Variants in ZRANB2 observed in about 807,000 individuals in gnomAD.
ZRANB2 encodes zinc finger Ran-binding domain-containing protein 2.
Under a neutral mutation model 53.4 loss-of-function variants are expected in ZRANB2, and 19 were observed. The observed-to-expected ratio is 0.36, with a 90% confidence interval of 0.25 to 0.52. The LOEUF (loss-of-function observed/expected upper bound fraction) is 0.52. ZRANB2 is among the 20% of genes least tolerant of loss of function. ZRANB2 has a pLI of 0.93. For missense variants in ZRANB2, 309 were observed against 401.1 expected, an observed-to-expected ratio of 0.77 and a Z score of 1.96; for synonymous variants, 145 against 134.8, an observed-to-expected ratio of 1.08 and a Z score of -0.52.
At chr1:71,073,881 T>C (rs543166824) in intron 4 of ZRANB2, among the ~76,000 whole-genome samples, 1 of 152,204 alleles carries the variant, frequency 6.6e-6, no homozygotes, top group South Asian at 2.1e-4. Flanking sequence ...TAACTCTGTA[T>C]AAATGGAAAA....
chr1:71,077,212 T>C (rs984255392), intron 3 of ZRANB2, among the ~76,000 whole-genome samples: 6 of 152,300 alleles, frequency 3.9e-5, no homozygotes, highest in East Asian at 1.9e-4. Context: ...CTAAAACTTT[T>C]TGAGAGAGGA....
At chr1:71,065,608 A>G in intron 9 of ZRANB2, 1 of 1,505,010 alleles carries the variant, frequency 6.6e-7, no homozygotes, top group South Asian at 1.3e-5. Flanking sequence ...AATCTAGGTC[A>G]CACAAGATGA....
intron 4 of ZRANB2, among the ~76,000 whole-genome samples, chr1:71,073,092 T>C (rs1428393359): frequency 2.0e-5 from 3 of 152,076 alleles, no homozygotes; most frequent in Admixed American, 6.6e-5. Context: ...TTTTAACACA[T>C]AGGTAAAAGT....
In ZRANB2 at chr1:71,078,555, A is replaced by C. The variant is rs991863698; in HGVS notation, c.120T>G (p.Thr40=). ...CCCCAGCTTTCATCATCTTGGCCTCAGTTGTTTTCTCTGAAAACAGAAAAA... is the reference window on the plus strand; with the variant it reads ...CCCCAGCTTTCATCATCTTGGCCTCCGTTGTTTTCTCTGAAAACAGAAAAA... ...SCNRCGREKT[T]EAKMMKAGGT... Residue 40 remains threonine (T), a synonymous_variant, in exon 3 of 10, where the codon ACT becomes ACG. Transcript: ENST00000370920. 1 of 1,613,860 alleles carries C rather than the reference A, an allele frequency of 6.2e-7. No individual in the cohort carries two copies. The highest frequency in any genetic ancestry group is 1.3e-5 in the African/African-American group (1 of 74,910).
Position 71,064,983 on chromosome 1 carries a change from T to G in ZRANB2, c.*91A>C. 1.2e-6 allele frequency: 1 copy of G among 800,968 alleles called. No individual in the cohort carries two copies. The highest frequency in any genetic ancestry group is 2.0e-6 in the Non-Finnish European group (1 of 493,934). The allele number at this position is 800,968 out of a possible 1,614,324, so 49.6% of individuals were successfully genotyped here. A position where few individuals can be genotyped will look rare whatever the true frequency, so the allele number is the denominator to read the frequency against. Reference sequence around the variant, plus strand: ...AAGGCATGCACCTCTACTAGCAGATTTAGCACTTCTGACCAAGTAAGACAC... The same window carrying G: ...AAGGCATGCACCTCTACTAGCAGATGTAGCACTTCTGACCAAGTAAGACAC... On this transcript the variant is annotated 3_prime_UTR_variant, in exon 10 of 10. Transcript: ENST00000370920.
chr1:71,075,089 GTTTT>G (rs1661677379), intron 4 of ZRANB2, among the ~76,000 whole-genome samples: 1 of 152,032 alleles, frequency 6.6e-6, no homozygotes, highest in Non-Finnish European at 1.5e-5. Flanking sequence ...ATAGGTCAAA[GTTTT>G]TTTAAGTTTT....
intron 8 of ZRANB2, 88 bp downstream of exon 8, chr1:71,069,188 C>G: frequency 9.1e-7 from 1 of 1,100,068 alleles, no homozygotes; most frequent in Admixed American, 2.6e-5. Context: ...CAAGTAGAAG[C>G]AAAATAAGGG....
chr1:71,067,616 T>A, intron 8 of ZRANB2: 1 of 431,490 alleles, frequency 2.3e-6, no homozygotes, highest in South Asian at 1.7e-5. Flanking sequence ...TTGTATATTT[T>A]GGTTGAAGGA....
At chr1:71,071,160 G>C (rs17090797) in intron 6 of ZRANB2, among the ~76,000 whole-genome samples, 164 bp from the exon 7 acceptor site, 2,986 of 152,174 alleles carry the variant, frequency 0.02, 92 homozygotes, top group African/African-American at 0.068. Context: ...ATCTCAAATA[G>C]AGACTTGACA....
At chr1:71,065,898 A>G in intron 9 of ZRANB2, 4 of 1,234,556 alleles carry the variant, frequency 3.2e-6, no homozygotes, top group Non-Finnish European at 4.5e-6. Context: ...TTTACAAAGA[A>G]ACAAATGCAG....
At chr1:71,070,261 C>T (rs1174411932) in intron 7 of ZRANB2, among the ~76,000 whole-genome samples, 1 of 56,184 alleles carries the variant, frequency 1.8e-5, no homozygotes, top group Non-Finnish European at 3.5e-5. Context: ...TCAGAGATTA[C>T]ATATTTTACA....
intron 8 of ZRANB2, among the ~76,000 whole-genome samples, chr1:71,068,201 T>G (rs929377085): frequency 1.3e-5 from 2 of 152,162 alleles, no homozygotes; most frequent in African/African-American, 4.8e-5. Context: ...AATGCAAGTG[T>G]GCACAACATT....
At chr1:71,071,996 C>T in intron 6 of ZRANB2, 125 bp downstream of exon 6, 7 of 1,404,198 alleles carry the variant, frequency 5.0e-6, no homozygotes, top group Non-Finnish European at 6.7e-6. Context: ...AAATCCAAAA[C>T]CTTTGTGAGA....
rs74090248 is a variant in ZRANB2, at chr1:71,067,740, A to G, written c.771-806T>C. 4.6e-3 allele frequency: 1,890 copies of G among 413,138 alleles called. 39 individuals carry two copies. Among genetic ancestry groups the G allele is most frequent in the African/African-American group, 0.038 (1,721 of 44,980 alleles). The allele number at this position is 413,138 out of a possible 1,614,324, so 25.6% of individuals were successfully genotyped here. On this transcript the variant is annotated intron_variant, in intron 8 of 9. Transcript: ENST00000370920. ...CAATGAAAAAATGTTTGGGAAGAAT[A>G]TGATGGGTGTTCTGTAAACCTTAAT...
At position 71,072,490 on chromosome 1, in the gene ZRANB2, A is replaced by G. The variant is rs535513298; in HGVS notation, c.360T>C (p.Ser120=). 2 of 1,606,104 alleles carry G rather than the reference A, an allele frequency of 1.2e-6. No homozygotes were observed. Among genetic ancestry groups the G allele is most frequent in the Non-Finnish European group, 1.7e-6 (2 of 1,174,368 alleles). The change falls in exon 5 of 10, where the codon TCT becomes TCC. Residue 120 remains serine, a synonymous_variant. Transcript: ENST00000370920. ...AGCTTACCTCATCATATTCACCATC[A>G]GATTCTTCTCTTTCTATATATTCAA... ...ENVEYIEREE[S]DGEYDEFGRK...
intron 8 of ZRANB2, 36 bp from the exon 9 acceptor site, chr1:71,066,970 A>C (rs1394603220): frequency 6.5e-7 from 1 of 1,536,472 alleles, no homozygotes; most frequent in Non-Finnish European, 8.7e-7. Context: ...ACATTTCATT[A>C]AAAGAAGAAA....
At chr1:71,068,626 G>A (rs61778911) in intron 8 of ZRANB2, among the ~76,000 whole-genome samples, 12,441 of 152,088 alleles carry the variant, frequency 0.082, 636 homozygotes, top group South Asian at 0.13. Flanking sequence ...TGTATATACA[G>A]TACTCTAGTA....
rs1260878129 is a variant in ZRANB2, at chr1:71,070,439, A to C, written c.683+388T>G. On this transcript the variant is annotated intron_variant, in intron 7 of 9. Coordinates refer to ENST00000370920, the MANE Select transcript of ZRANB2 (RefSeq NM_203350.3). ...AACATTATGTAATAAGCAATGATTT[A>C]ATGCCTAGAAAATTTCTGTGCTAGC... Among the ~76,000 whole-genome samples the C allele has an allele frequency of 7.2e-5, 11 of 152,244 alleles. No homozygotes were observed. The South Asian group carries it at 2.3e-3, about 32-fold the overall frequency.
intron 7 of ZRANB2, among the ~76,000 whole-genome samples, chr1:71,070,121 C>T (rs1661562847): frequency 6.6e-6 from 1 of 151,966 alleles, no homozygotes; most frequent in Non-Finnish European, 1.5e-5. Context: ...TATTTTATTC[C>T]TAAATATGAT....
Sources: gnomAD v4.1 joint callset for allele counts (sites outside exome capture counted in the v4.1 genomes callset) on GRCh38, gnomAD v4.1.1 for gene constraint, MANE v1.5 for transcripts, NCBI Gene and HGNC (gene_info 2026-07-23, HGNC 2026-07-21) for gene names.